Variants in DELE1 observed in about 807,000 individuals in gnomAD.
DELE1 encodes DAP3 binding cell death enhancer 1.
In DELE1, 54 loss-of-function variants were observed where a neutral mutation model predicts 59.3. That is an observed-to-expected ratio of 0.91 (90% CI 0.73 to 1.14). The LOEUF is 1.14. DELE1 is among the 50% of genes most tolerant of loss of function. The pLI, the probability that DELE1 is intolerant of heterozygous loss-of-function variation, is 0.00. For synonymous variants in DELE1, 264 were observed against 259.1 expected (o/e 1.02, Z -0.18); for missense variants, 636 against 643.9 (o/e 0.99, Z 0.13).
chr5:141,938,908 A>G lies in DELE1; in HGVS notation c.*149A>G. ...AGCAATTTCACGTACATGGCTGGTAAGTGACTGATCTTTCCCCCCGCTTGG... is the reference window on the plus strand; with the variant it reads ...AGCAATTTCACGTACATGGCTGGTAGGTGACTGATCTTTCCCCCCGCTTGG... On this transcript the variant is annotated 3_prime_UTR_variant, in exon 12 of 12. Transcript: ENST00000432126. The G allele has an allele frequency of 6.9e-7, 1 of 1,449,940 alleles. No homozygotes were observed. The highest frequency in any genetic ancestry group is 9.0e-7 in the Non-Finnish European group (1 of 1,106,806). 89.8% of individuals were successfully genotyped at this position (1,449,940 alleles called of 1,614,324 possible).
Position 141,938,771 on chromosome 5 carries a change from A to G in DELE1, c.*12A>G. The G allele has an allele frequency of 6.2e-7, 1 of 1,603,104 alleles. No individual in the cohort carries two copies. The highest frequency in any genetic ancestry group is 1.7e-4 in the Middle Eastern group (1 of 6,014). On this transcript the variant is annotated 3_prime_UTR_variant, in exon 12 of 12. Coordinates refer to ENST00000432126, the MANE Select transcript of DELE1 (RefSeq NM_014773.5). Reference sequence around the variant, plus strand: ...TAGGTTTTGGCTAAGGTGAGATAAAACATAGTCCCTGGTGCCTCTTAGGGG... The same window carrying G: ...TAGGTTTTGGCTAAGGTGAGATAAAGCATAGTCCCTGGTGCCTCTTAGGGG...
intron 7 of DELE1, 89 bp downstream of exon 7, chr5:141,930,363 C>G (rs1401985781): frequency 1.1e-6 from 1 of 923,644 alleles, no homozygotes; most frequent in African/African-American, 1.7e-5. Flanking sequence ...TAGGGAGTGG[C>G]TTAAACGAGA....
intron 11 of DELE1, among the ~76,000 whole-genome samples, chr5:141,937,915 C>T (rs918133105): frequency 1.3e-5 from 2 of 151,018 alleles, no homozygotes; most frequent in African/African-American, 2.4e-5. Flanking sequence ...ACCTCTGCCT[C>T]CCGGGTTCAA....
rs1295299239 is a variant in DELE1, at chr5:141,925,422, T to C, written c.159T>C (p.His53=). ...PVPNLDRSGP[H]GPGTSGGPRS... is the part of the protein sequence containing the mutation. ...TTTCATCATCTAGGTCAGGTCCCCA[T>C]GGCCCAGGCACGAGCGGGGGTCCAA... Residue 53 remains histidine (H), a synonymous_variant, in exon 3 of 12, where the codon CAT becomes CAC. Coordinates refer to ENST00000432126, the MANE Select transcript of DELE1 (RefSeq NM_014773.5). The C allele has an allele frequency of 1.3e-6, 2 of 1,588,644 alleles. No homozygotes were observed. The highest frequency in any genetic ancestry group is 1.7e-6 in the Non-Finnish European group (2 of 1,168,306).
intron 1 of DELE1, among the ~76,000 whole-genome samples, chr5:141,924,195 G>C (rs1015288183): frequency 8.5e-5 from 13 of 152,212 alleles, no homozygotes; most frequent in Non-Finnish European, 1.6e-4. Context: ...CTGTTGGGAG[G>C]GGGAGGAGTC....
In DELE1 at chr5:141,937,222, G is replaced by T; in HGVS notation, c.1174G>T (p.Gly392Ter). 6.2e-7 allele frequency: 1 copy of T among 1,614,190 alleles called. No individual in the cohort carries two copies. Among genetic ancestry groups the T allele is most frequent in the Non-Finnish European group, 8.5e-7 (1 of 1,180,028 alleles). The change falls in exon 11 of 12, where the codon GGA becomes TGA. Residue 392 changes from glycine (G) to a stop codon, truncating the protein, a stop_gained. Transcript: ENST00000432126. LOFTEE classifies it high-confidence loss of function. ...NGDSQSRYHL[G>*]ICYEKGLGVQ... ...GGACTCACAGAGCAGGTACCACCTTGGAATTTGCTATGAGAAAGGCCTTGG... is the reference window on the plus strand; with the variant it reads ...GGACTCACAGAGCAGGTACCACCTTTGAATTTGCTATGAGAAAGGCCTTGG...
Position 141,941,947 on chromosome 5 carries a change from C to T in DELE1, c.*3188C>T, listed in dbSNP as rs939853703. On this transcript the variant is annotated 3_prime_UTR_variant, in exon 12 of 12. Transcript: ENST00000432126. ...GAATAATTCTGTATTGCCCCCCACT[C>T]GCCGCCTATACACACGCACACACGC... The T allele has an allele frequency of 1.6e-5, 16 of 985,068 alleles. No homozygotes were observed. Among genetic ancestry groups the T allele is most frequent in the African/African-American group, 1.1e-4 (6 of 57,028 alleles). The allele number at this position is 985,068 out of a possible 1,614,324, so 61.0% of individuals were successfully genotyped here.
chr5:141,934,018 C>T (rs879385567), intron 8 of DELE1: 24 of 396,394 alleles, frequency 6.1e-5, no homozygotes, highest in Middle Eastern at 6.9e-4. Context: ...CAAGGCTGTA[C>T]GCTAAAATTT....
At chr5:141,929,880 G>T in intron 5 of DELE1, 109 bp from the exon 6 acceptor site, 1 of 1,510,462 alleles carries the variant, frequency 6.6e-7, no homozygotes, top group Middle Eastern at 2.1e-4. Flanking sequence ...GGTTATTTCG[G>T]TTCCTGGCAA....
chr5:141,939,668 C>G lies in DELE1; in HGVS notation c.*909C>G. On this transcript the variant is annotated 3_prime_UTR_variant, in exon 12 of 12. Coordinates refer to ENST00000432126, the MANE Select transcript of DELE1 (RefSeq NM_014773.5). ...CCACCTTCCCCCAAATCTTAAGCAC[C>G]TGCGCCAGTACAGTCAAGAAGAGGA... The G allele has an allele frequency of 1.0e-6, 1 of 985,858 alleles. No individual in the cohort carries two copies. Among genetic ancestry groups the G allele is most frequent in the Non-Finnish European group, 1.2e-6 (1 of 829,972 alleles). 61.1% of individuals were successfully genotyped at this position (985,858 alleles called of 1,614,324 possible).
At chr5:141,935,236 T>G (rs1752263257) in intron 10 of DELE1, among the ~76,000 whole-genome samples, 1 of 152,184 alleles carries the variant, frequency 6.6e-6, no homozygotes, top group African/African-American at 2.4e-5. Flanking sequence ...ATGTGTTCCA[T>G]GAAGCATTAG....
chr5:141,935,009 G>C (rs1365546040), intron 10 of DELE1: 1 of 170,314 alleles, frequency 5.9e-6, no homozygotes, highest in Non-Finnish European at 1.3e-5. Context: ...TCACAGGGTG[G>C]TTGTGAGGAT....
chr5:141,932,198 A>G (rs1410531486), intron 7 of DELE1, among the ~76,000 whole-genome samples: 1 of 152,200 alleles, frequency 6.6e-6, no homozygotes, highest in Admixed American at 6.5e-5. Flanking sequence ...GAAAGATCCC[A>G]GGCAGGAGAG....
Position 141,938,988 on chromosome 5 carries a change from A to T in DELE1, c.*229A>T. On this transcript the variant is annotated 3_prime_UTR_variant, in exon 12 of 12. Transcript: ENST00000432126. The stretch of plus-strand genomic sequence containing the variant: ...CACAGTCATTTCTGGTCTGTGCACC[A>T]AAGGATGCATTCAGTGACCTATGAA... 1.5e-6 allele frequency: 2 copies of T among 1,365,672 alleles called. No individual in the cohort carries two copies. The allele number at this position is 1,365,672 out of a possible 1,614,324, so 84.6% of individuals were successfully genotyped here.
intron 3 of DELE1, 33 bp downstream of exon 3, chr5:141,925,560 A>G: frequency 7.2e-7 from 1 of 1,386,028 alleles, no homozygotes; most frequent in Non-Finnish European, 1.0e-6. Context: ...CTTGACCTTC[A>G]GTGTAGATGA....
chr5:141,934,548 A>T lies in DELE1; in HGVS notation c.1111A>T (p.Arg371Ter). 6.2e-7 allele frequency: 1 copy of T among 1,614,240 alleles called. No individual in the cohort carries two copies. Among genetic ancestry groups the T allele is most frequent in the Non-Finnish European group, 8.5e-7 (1 of 1,180,038 alleles). The change falls in exon 10 of 12, where the codon AGA becomes TGA. Residue 371 changes from arginine (R) to a stop codon, truncating the protein, a stop_gained. Transcript: ENST00000432126. LOFTEE classifies it high-confidence loss of function. Reference sequence around the variant, plus strand: ...CAAGGAGCCCTACCTGGATGAGCAGAGAGCTGTGAAATATCTTTGGCTTGC... The same window carrying T: ...CAAGGAGCCCTACCTGGATGAGCAGTGAGCTGTGAAATATCTTTGGCTTGC... ...FTKEPYLDEQRAVKYLWLAAN... is the reference protein window; with the variant it reads ...FTKEPYLDEQ
At chr5:141,928,806 GTAA>G (rs933095096) in intron 4 of DELE1, among the ~76,000 whole-genome samples, 3 of 151,926 alleles carry the variant, frequency 2.0e-5, no homozygotes, top group Admixed American at 1.3e-4. Flanking sequence ...ATAAATTGGG[GTAA>G]TAATAAAACC....
chr5:141,928,166 C>G lies in DELE1; in HGVS notation c.280C>G (p.Leu94Val). 6.2e-7 allele frequency: 1 copy of G among 1,613,770 alleles called. No individual in the cohort carries two copies. The highest frequency in any genetic ancestry group is 8.5e-7 in the Non-Finnish European group (1 of 1,179,758). ...TCTTTCCCAGGGCACTCTGGCCGTGCTGGCCCTGCAGCTGGCAAGGCAGAT... is the reference window on the plus strand; with the variant it reads ...TCTTTCCCAGGGCACTCTGGCCGTGGTGGCCCTGCAGCTGGCAAGGCAGAT... ...DAISWGTLAVLALQLARQIHF... is the reference protein window; with the variant it reads ...DAISWGTLAVVALQLARQIHF... Residue 94 changes from leucine to valine, a missense_variant, in exon 4 of 12, where the codon CTG becomes GTG. Physicochemically the swap from Leu to Val is conservative, Grantham distance 32. Coordinates refer to ENST00000432126, the MANE Select transcript of DELE1 (RefSeq NM_014773.5).
At chr5:141,929,883 C>T (rs910139906) in intron 5 of DELE1, 106 bp from the exon 6 acceptor site, 2 of 1,509,512 alleles carry the variant, frequency 1.3e-6, no homozygotes, top group Non-Finnish European at 1.8e-6. Context: ...TATTTCGGTT[C>T]CTGGCAAGGG....
Sources: gnomAD v4.1 joint callset for allele counts (sites outside exome capture counted in the v4.1 genomes callset) on GRCh38, gnomAD v4.1.1 for gene constraint, MANE v1.5 for transcripts, NCBI Gene and HGNC (gene_info 2026-07-23, HGNC 2026-07-21) for gene names.